METTL8: variants seen among roughly 807,000 people sequenced by gnomAD.
METTL8 encodes tRNA N(3)-cytidine methyltransferase METTL8, mitochondrial.
In METTL8, 32 loss-of-function variants were observed where a neutral mutation model predicts 48.7. The ratio of observed to expected loss-of-function variants is 0.66; its 90% confidence interval spans 0.50 to 0.88. METTL8 has a LOEUF of 0.88. Ranked by LOEUF, METTL8 falls within the 40% of genes least tolerant of loss-of-function variation. METTL8 has a pLI of 0.00. For missense variants in METTL8, 464 were observed against 474.4 expected (o/e 0.98, Z 0.20); for synonymous variants, 136 against 157.1 (o/e 0.87, Z 1.01).
intron 1 of METTL8, among the ~76,000 whole-genome samples, chr2:171,415,349 CTTTTTTTTTTTT>C (rs762739077): frequency 1.8e-5 from 2 of 112,402 alleles, no homozygotes; most frequent in East Asian, 2.5e-4. Context: ...ATCTCGAAAT[CTTTTTTTTTTTT>C]TTTTTTTTTT....
chr2:171,413,570 T>TA (rs1265089948), intron 1 of METTL8, among the ~76,000 whole-genome samples: 2 of 152,220 alleles, frequency 1.3e-5, no homozygotes, highest in Admixed American at 6.5e-5. Flanking sequence ...GGTGTTGTGA[T>TA]AAAAAAGATT....
At chr2:171,398,626 C>T (rs1689349111) in intron 1 of METTL8, among the ~76,000 whole-genome samples, 1 of 152,088 alleles carries the variant, frequency 6.6e-6, no homozygotes, top group Non-Finnish European at 1.5e-5. Context: ...ATCTAATGTA[C>T]AATACGAGGA....
intron 2 of METTL8, among the ~76,000 whole-genome samples, chr2:171,372,042 C>T (rs552962519): frequency 3.9e-5 from 6 of 152,120 alleles, no homozygotes; most frequent in Admixed American, 2.0e-4. Flanking sequence ...AGAGCCAATG[C>T]CTTTCTACTT....
At position 171,394,253 on chromosome 2, in the gene METTL8, C is replaced by A. The variant is rs76800527; in HGVS notation, c.-12-2056G>T. Among the ~76,000 whole-genome samples the A allele has an allele frequency of 4.6e-5, 7 of 152,164 alleles. No homozygotes were observed. The East Asian group carries it at 1.3e-3, about 29-fold the overall frequency. ...TGCTGAAGAGTAGAAATTGATTACACCTAGAAAGAGAGGCAATTCATGCTC... is the reference window on the plus strand; with the variant it reads ...TGCTGAAGAGTAGAAATTGATTACAACTAGAAAGAGAGGCAATTCATGCTC... On this transcript the variant is annotated intron_variant, in intron 1 of 9. Transcript: ENST00000375258.
intron 1 of METTL8, among the ~76,000 whole-genome samples, chr2:171,404,169 T>C (rs1439860868): frequency 6.8e-6 from 1 of 146,270 alleles, no homozygotes; most frequent in Non-Finnish European, 1.5e-5. Flanking sequence ...CTTGTAACAA[T>C]ATACAATAAG....
intron 3 of METTL8, among the ~76,000 whole-genome samples, chr2:171,342,762 A>C (rs1686904777): frequency 1.3e-5 from 2 of 152,350 alleles, no homozygotes; most frequent in Admixed American, 6.5e-5. Context: ...AGTGTGTTTG[A>C]GCCCAATTAC....
intron 8 of METTL8, 41 bp from the exon 9 acceptor site, chr2:171,325,947 C>T: frequency 1.4e-6 from 2 of 1,447,468 alleles, no homozygotes; most frequent in South Asian, 2.5e-5. Flanking sequence ...AAGGGTATTC[C>T]TTTAAAAAAA....
chr2:171,418,850 G>T (rs998117361), intron 1 of METTL8, among the ~76,000 whole-genome samples: 1 of 152,040 alleles, frequency 6.6e-6, no homozygotes, highest in Non-Finnish European at 1.5e-5. Context: ...AGCTACTTGG[G>T]AGGCTGAGGT....
At chr2:171,433,210 C>G (rs1336785188) in intron 1 of METTL8, 1 of 152,150 alleles carries the variant, frequency 6.6e-6, no homozygotes. Flanking sequence ...GAGGCAGTAC[C>G]CTGGGGTACC....
At position 171,324,348 on chromosome 2, in the gene METTL8, T is replaced by C. The variant is rs895472756; in HGVS notation, c.1048A>G (p.Met350Val). ...TCATCTAAACTGGCTTTGCAGAACA[T>C]ACTGTGGACTTCCCCTGTGAGACAA... Reference protein sequence around the residue: ...YFFTKGEVHSMFCKASLDEKQ... With the variant: ...YFFTKGEVHSVFCKASLDEKQ... Residue 350 changes from methionine to valine, a missense_variant, in exon 10 of 10, where the codon ATG becomes GTG. By Grantham distance (21) the Met-to-Val change is conservative. Transcript: ENST00000375258. 3 of 1,551,406 alleles carry C rather than the reference T, an allele frequency of 1.9e-6. No homozygotes were observed. The highest frequency in any genetic ancestry group is 2.7e-5 in the African/African-American group (2 of 73,042).
chr2:171,368,109 A>G (rs1231479046), intron 2 of METTL8, among the ~76,000 whole-genome samples: 1 of 152,242 alleles, frequency 6.6e-6, no homozygotes, highest in Non-Finnish European at 1.5e-5. Context: ...CAATTTTTAC[A>G]AAAATGAAAC....
At chr2:171,332,013 G>A (rs891731898) in intron 5 of METTL8, 146 bp from the exon 6 acceptor site, 28 of 579,298 alleles carry the variant, frequency 4.8e-5, no homozygotes, top group Non-Finnish European at 8.1e-5. Flanking sequence ...AGCCTTCTGA[G>A]TAGCTAGGAC....
At chr2:171,356,424 C>T (rs1051766738) in intron 3 of METTL8, among the ~76,000 whole-genome samples, 7 of 152,154 alleles carry the variant, frequency 4.6e-5, no homozygotes, top group African/African-American at 1.4e-4. Flanking sequence ...TAGGCTTGAG[C>T]CATCTTGTCC....
intron 9 of METTL8, among the ~76,000 whole-genome samples, chr2:171,324,979 T>C (rs1684786602): frequency 6.6e-6 from 1 of 151,608 alleles, no homozygotes; most frequent in Non-Finnish European, 1.5e-5. Context: ...AGGTAGGTAA[T>C]CTCAGCTACT....
Position 171,323,772 on chromosome 2 carries a change from T to C in METTL8, c.*400A>G, listed in dbSNP as rs1204231412. On this transcript the variant is annotated 3_prime_UTR_variant, in exon 10 of 10. Coordinates refer to ENST00000375258, the MANE Select transcript of METTL8 (RefSeq NM_001321154.2). ...CTTTCTCTCTGCAATCAGATGACAA[T>C]GGGAAGAGTCTGACTGTGTTTGGGA... 6.5e-6 allele frequency: 1 copy of C among 154,924 alleles called. No individual in the cohort carries two copies. The highest frequency in any genetic ancestry group is 2.4e-5 in the African/African-American group (1 of 41,542). The allele number at this position is 154,924 out of a possible 1,614,324, so 9.6% of individuals were successfully genotyped here.
rs184908353 is a variant in METTL8, at chr2:171,357,071, C to T, written c.235+3351G>A. ...GTCCTGGGTTCAAGTGATTCTCCCA[C>T]CTCAGCCTCCTGAGTAGCTGGGACT... On this transcript the variant is annotated intron_variant, in intron 3 of 9. Coordinates refer to ENST00000375258, the MANE Select transcript of METTL8 (RefSeq NM_001321154.2). 2.7e-5 allele frequency among the ~76,000 whole-genome samples: 4 copies of T among 150,734 alleles called. No homozygotes were observed. In the East Asian group the frequency reaches 7.9e-4, roughly 30 times the overall value.
rs187042361 is a variant in METTL8 at position 171,319,147 on chromosome 2, T to C, written c.*5025A>G. On this transcript the variant is annotated 3_prime_UTR_variant, in exon 10 of 10. Transcript: ENST00000375258. ...TTTCTTACAATGTCTCATAAAACCT[T>C]TGAAAAAGTCACTGTTGCTGGAATA... 2.0e-5 allele frequency: 3 copies of C among 152,270 alleles called. No individual in the cohort carries two copies. The highest frequency in any genetic ancestry group is 3.9e-4 in the East Asian group (2 of 5,186). The allele number at this position is 152,270 out of a possible 1,614,324, so 9.4% of individuals were successfully genotyped here. A position where few individuals can be genotyped will look rare whatever the true frequency, so the allele number is the denominator to read the frequency against.
chr2:171,416,279 C>T (rs1172389603), intron 1 of METTL8, among the ~76,000 whole-genome samples: 1 of 152,194 alleles, frequency 6.6e-6, no homozygotes, highest in Non-Finnish European at 1.5e-5. Flanking sequence ...CATCTCTACA[C>T]CAGGACAAGA....
At chr2:171,381,927 A>G (rs913151974) in intron 2 of METTL8, among the ~76,000 whole-genome samples, 2 of 151,932 alleles carry the variant, frequency 1.3e-5, no homozygotes, top group African/African-American at 4.8e-5. Flanking sequence ...GACTACAGGC[A>G]CGCATCACCA....
Sources: allele counts gnomAD v4.1 joint callset (sites outside exome capture counted in the v4.1 genomes callset), GRCh38; gene constraint gnomAD v4.1.1; transcripts MANE v1.5; gene names NCBI Gene and HGNC (gene_info 2026-07-23, HGNC 2026-07-21).